SUMF2: variants seen among roughly 807,000 people sequenced by gnomAD.
The protein encoded by SUMF2 is sulfatase modifying factor 2, also known as inactive C-alpha-formylglycine-generating enzyme 2.
A neutral mutation model predicts 44.8 loss-of-function variants in SUMF2; 45 were observed. That is an observed-to-expected ratio of 1.00 (90% CI 0.79 to 1.29). The LOEUF (loss-of-function observed/expected upper bound fraction) is 1.29. SUMF2 is among the 50% of genes most tolerant of loss of function. The probability of loss-of-function intolerance (pLI) is 0.00; values close to 1 mark genes in which losing one functional copy is unlikely to be tolerated. For synonymous variants in SUMF2, 148 were observed against 150.4 expected, an observed-to-expected ratio of 0.98 and a Z score of 0.12; for missense variants, 418 against 389.9, an observed-to-expected ratio of 1.07 and a Z score of -0.61.
In SUMF2 at chr7:56,078,042, G is replaced by A. The variant is rs2117491978; in HGVS notation, c.592-60G>A. The A allele has an allele frequency of 3.4e-6, 5 of 1,451,330 alleles. No individual in the cohort carries two copies. In the Admixed American group the frequency reaches 7.1e-5, roughly 21 times the overall value. 89.9% of individuals were successfully genotyped at this position (1,451,330 alleles called of 1,614,324 possible). ...GACGACCTTGGTTTTCCTCTGGATA[G>A]GCATGAGGACCTGCTTTGGGACAGG... On this transcript the variant is annotated intron_variant, in intron 6 of 8. Coordinates refer to ENST00000434526, the MANE Select transcript of SUMF2 (RefSeq NM_015411.4).
At chr7:56,086,475 GTTTT>G in the SUMF2 span, among the ~76,000 whole-genome samples, 1 of 151,724 alleles carries the variant, frequency 6.6e-6, no homozygotes, top group Non-Finnish European at 1.5e-5. Context: ...GAGTTTTGGG[GTTTT>G]TTTTGTTTTG....
Position 56,074,574 on chromosome 7 carries a change from C to A in SUMF2, c.385-12C>A. Reference sequence around the variant, plus strand: ...CTCCCGGAAGCCTGTCTCACTTAATCCTGGCTGTCAGCCTGCAGGTCCTGG... The same window carrying A: ...CTCCCGGAAGCCTGTCTCACTTAATACTGGCTGTCAGCCTGCAGGTCCTGG... On this transcript the variant is annotated splice_polypyrimidine_tract_variant and intron_variant, in intron 4 of 8. Coordinates refer to ENST00000434526, the MANE Select transcript of SUMF2 (RefSeq NM_015411.4). 6.2e-7 allele frequency: 1 copy of A among 1,613,686 alleles called. No individual in the cohort carries two copies. The highest frequency in any genetic ancestry group is 1.1e-5 in the South Asian group (1 of 91,058).
intron 4 of SUMF2, 150 bp downstream of exon 4, chr7:56,074,368 T>G: frequency 9.8e-7 from 1 of 1,022,598 alleles, no homozygotes; most frequent in Non-Finnish European, 1.4e-6. Context: ...CAGGCCTGTT[T>G]CACCTGCCCG....
Position 56,079,726 on chromosome 7 carries a change from C to A in SUMF2, c.*114C>A. The stretch of plus-strand genomic sequence containing the variant: ...GCTTCAGCCTCAGGAAAGAACTTCC[C>A]CTTCCCTGTCTCCCATCCCTCTGTG... On this transcript the variant is annotated 3_prime_UTR_variant, in exon 9 of 9. Transcript: ENST00000434526. The A allele has an allele frequency of 6.3e-7, 1 of 1,595,730 alleles. No homozygotes were observed. Among genetic ancestry groups the A allele is most frequent in the Middle Eastern group, 1.7e-4 (1 of 6,046 alleles).
chr7:56,072,422 T>G (rs777971559), intron 2 of SUMF2, among the ~76,000 whole-genome samples: 1 of 151,088 alleles, frequency 6.6e-6, no homozygotes, highest in Admixed American at 6.6e-5. Context: ...TGAGACTTTG[T>G]CTCAAAAAAA....
At position 56,076,825 on chromosome 7, in the gene SUMF2, T is replaced by G. The variant is rs1335138254; in HGVS notation, c.536-9T>G. ...CCCCTCCTCTGCTGCCTCCTTGCTC[T>G]CCTCGCAGGTCAAGTTTACCCATGG... is the stretch of plus-strand genomic sequence containing the variant. On this transcript the variant is annotated splice_polypyrimidine_tract_variant and intron_variant, in intron 5 of 8. Transcript: ENST00000434526. The G allele has an allele frequency of 6.3e-7, 1 of 1,592,458 alleles. No individual in the cohort carries two copies. Among genetic ancestry groups the G allele is most frequent in the East Asian group, 2.3e-5 (1 of 43,420 alleles).
intron 5 of SUMF2, among the ~76,000 whole-genome samples, chr7:56,076,063 G>A (rs1795522472): frequency 7.6e-6 from 1 of 131,740 alleles, no homozygotes; most frequent in South Asian, 2.4e-4. Flanking sequence ...GTGTCGCTGT[G>A]TCGCCCAGGC....
downstream of SUMF2, chr7:56,083,611 C>T (rs763930417): frequency 2.0e-5 from 31 of 1,551,272 alleles, no homozygotes; most frequent in Non-Finnish European, 2.6e-5. Flanking sequence ...CCCTAAGCCA[C>T]GTGGGAGGGA....
the SUMF2 span, chr7:56,087,000 G>A: frequency 6.2e-7 from 1 of 1,613,330 alleles, no homozygotes; most frequent in Admixed American, 1.7e-5. Context: ...GAAAGTGTTG[G>A]TCTCATAAGT....
At chr7:56,067,650 T>C (rs1794891074) in intron 1 of SUMF2, among the ~76,000 whole-genome samples, 2 of 152,190 alleles carry the variant, frequency 1.3e-5, no homozygotes, top group Admixed American at 6.6e-5. Context: ...CCCAGCACTT[T>C]GGGAGGCTGA....
intron 2 of SUMF2, 71 bp from the exon 3 acceptor site, chr7:56,072,926 T>C (rs903819559): frequency 8.7e-7 from 1 of 1,143,870 alleles, no homozygotes; most frequent in Non-Finnish European, 1.3e-6. Context: ...ATCTGAAGTT[T>C]CCTGGAGCAG....
In SUMF2 at chr7:56,076,907, C is replaced by T. The variant is rs1381461970; in HGVS notation, c.591+18C>T. 1 of 1,600,440 alleles carries T rather than the reference C, an allele frequency of 6.2e-7. No individual in the cohort carries two copies. Among genetic ancestry groups the T allele is most frequent in the Non-Finnish European group, 8.5e-7 (1 of 1,172,664 alleles). ...TGTGGCAGGTAAGACCTACGTTCCT[C>T]CTTTCACCAAGCATTGACAGAGACC... is the stretch of plus-strand genomic sequence containing the variant. On this transcript the variant is annotated intron_variant, in intron 6 of 8. Transcript: ENST00000434526.
At chr7:56,067,354 AC>A (rs1278816395) in intron 1 of SUMF2, among the ~76,000 whole-genome samples, 1 of 151,794 alleles carries the variant, frequency 6.6e-6, no homozygotes, top group Non-Finnish European at 1.5e-5. Flanking sequence ...TCACTCTGTC[AC>A]CCAGGCTGGA....
At chr7:56,069,678 T>C (rs940608956) in intron 2 of SUMF2, among the ~76,000 whole-genome samples, 2 of 151,964 alleles carry the variant, frequency 1.3e-5, no homozygotes, top group Non-Finnish European at 2.9e-5. Context: ...CTCAGCTCGC[T>C]GCAGCCTCTG....
intron 2 of SUMF2, among the ~76,000 whole-genome samples, chr7:56,069,213 C>T (rs1485742441): frequency 4.6e-5 from 7 of 152,088 alleles, no homozygotes; most frequent in Admixed American, 4.6e-4. Flanking sequence ...CTGGGCATAG[C>T]ACTGAGAAAT....
At chr7:56,074,778 A>G in intron 5 of SUMF2, 42 bp downstream of exon 5, 1 of 1,610,968 alleles carries the variant, frequency 6.2e-7, no homozygotes, top group Non-Finnish European at 8.5e-7. Flanking sequence ...TCTTCTCCCC[A>G]TCCTGCCCAG....
downstream of SUMF2, among the ~76,000 whole-genome samples, chr7:56,084,418 G>A (rs1796164206): frequency 6.9e-6 from 1 of 145,952 alleles, no homozygotes; most frequent in South Asian, 2.1e-4. Flanking sequence ...TCATCACCCA[G>A]GCTGGAGTGC....
At chr7:56,079,149 C>T in intron 8 of SUMF2, 1 of 492,076 alleles carries the variant, frequency 2.0e-6, no homozygotes, top group Non-Finnish European at 3.6e-6. Flanking sequence ...GCTAGGATTA[C>T]AGGTGTGAGC....
chr7:56,086,399 A>G, the SUMF2 span, among the ~76,000 whole-genome samples: 7 of 151,996 alleles, frequency 4.6e-5, no homozygotes, highest in Non-Finnish European at 8.8e-5. Flanking sequence ...TGTGCCAGGC[A>G]CGGTGGCTTA....
Sources: gnomAD v4.1 joint callset for allele counts (sites outside exome capture counted in the v4.1 genomes callset) on GRCh38, gnomAD v4.1.1 for gene constraint, MANE v1.5 for transcripts, NCBI Gene and HGNC (gene_info 2026-07-23, HGNC 2026-07-21) for gene names.